SPTAN1: variants seen among roughly 807,000 people sequenced by gnomAD.
The protein encoded by SPTAN1 is spectrin alpha, non-erythrocytic 1.
A neutral mutation model predicts 331.3 loss-of-function variants in SPTAN1; 61 were observed. That is an observed-to-expected ratio of 0.18 (90% CI 0.15 to 0.23). SPTAN1 has a LOEUF of 0.23. SPTAN1 is among the 10% of genes least tolerant of loss of function. The probability of loss-of-function intolerance (pLI) is 1.00; values close to 1 mark genes in which losing one functional copy is unlikely to be tolerated. For synonymous variants in SPTAN1, 1,153 were observed against 1,173.9 expected (o/e 0.98, Z 0.36); for missense variants, 2,043 against 3,147.9 (o/e 0.65, Z 8.40).
chr9:128,588,783 T>C, intron 20 of SPTAN1, 26 bp from the exon 21 acceptor site: 2 of 1,613,702 alleles, frequency 1.2e-6, no homozygotes, highest in African/African-American at 1.3e-5. Context: ...GTTTTTACCA[T>C]GTTTGCCCTT....
chr9:128,578,456 T>C (rs1851554912), intron 9 of SPTAN1, among the ~76,000 whole-genome samples: 1 of 152,192 alleles, frequency 6.6e-6, no homozygotes, highest in Non-Finnish European at 1.5e-5. Context: ...AGAGGTTCAC[T>C]GTGGTCCATA....
chr9:128,616,466 G>T (rs1187794168), intron 41 of SPTAN1, among the ~76,000 whole-genome samples: 1 of 150,320 alleles, frequency 6.7e-6, no homozygotes, highest in East Asian at 2.1e-4. Context: ...AGAGGATTTT[G>T]TTCTTAAAAG....
chr9:128,561,641 C>A (rs1235291304), intron 1 of SPTAN1, among the ~76,000 whole-genome samples: 1 of 85,798 alleles, frequency 1.2e-5, no homozygotes, highest in African/African-American at 4.3e-5. Context: ...CCAGCCTGGG[C>A]AACAGAGCGA....
chr9:128,584,533 T>C lies in SPTAN1; in HGVS notation c.2437+8T>C. The C allele has an allele frequency of 1.2e-6, 2 of 1,614,124 alleles. No homozygotes were observed. Among genetic ancestry groups the C allele is most frequent in the Non-Finnish European group, 1.7e-6 (2 of 1,180,004 alleles). The stretch of plus-strand genomic sequence containing the variant: ...CCGCATCTACCAACAGAGGTCAGTC[T>C]GCTTCCCTCAGGTAGGAATCAACTT... On this transcript the variant is annotated splice_region_variant and intron_variant, in intron 17 of 56. Transcript: ENST00000372739.
At chr9:128,554,045 CTAAT>C (rs1564171566) in intron 1 of SPTAN1, among the ~76,000 whole-genome samples, 1 of 151,768 alleles carries the variant, frequency 6.6e-6, no homozygotes, top group East Asian at 1.9e-4. Context: ...TTGCAGCTAA[CTAAT>C]GTCTTAGATT....
At position 128,632,704 on chromosome 9, in the gene SPTAN1, G is replaced by A. The variant is rs75028792; in HGVS notation, c.7146G>A (p.Thr2382=). The A allele has an allele frequency of 3.9e-4, 631 of 1,614,028 alleles. 5 individuals carry two copies. In the South Asian group the frequency reaches 4.6e-3, roughly 12 times the overall value. ...PDPEFEAILD[T]VDPNRDGHVS... ...CTGAGTTCGAGGCAATCCTGGACAC[G>A]GTGGATCCGAACAGGTAAATTAATT... The change falls in exon 55 of 57, where the codon ACG becomes ACA. Residue 2382 remains threonine, a synonymous_variant. Coordinates refer to ENST00000372739, the MANE Select transcript of SPTAN1 (RefSeq NM_001130438.3).
rs558867199 is a variant in SPTAN1, at chr9:128,561,854, C to G, written c.-3-4884C>G. Among the ~76,000 whole-genome samples, 3 of 151,984 alleles carry G rather than the reference C, an allele frequency of 2.0e-5. No homozygotes were observed. The East Asian group carries it at 5.8e-4, about 30-fold the overall frequency. ...TAAAACGATGGCAGTTTCTTTATTT[C>G]CAAGCTCTGAATATAATTGGATCTA... On this transcript the variant is annotated intron_variant, in intron 1 of 56. Coordinates refer to ENST00000372739, the MANE Select transcript of SPTAN1 (RefSeq NM_001130438.3).
Position 128,561,144 on chromosome 9 carries a change from C to T in SPTAN1, c.-3-5594C>T, listed in dbSNP as rs185389294. Among the ~76,000 whole-genome samples the T allele has an allele frequency of 2.4e-3, 367 of 151,208 alleles. 9 individuals are homozygous for T. The East Asian group carries it at 0.039, about 16-fold the overall frequency. The stretch of plus-strand genomic sequence containing the variant: ...CAGCACTTTGGGAGGCCGAGGCGGG[C>T]GGACCACAAGGTCGAGATCAAGATC... On this transcript the variant is annotated intron_variant, in intron 1 of 56. Transcript: ENST00000372739.
rs150276985 is a variant in SPTAN1 at position 128,590,182 on chromosome 9, A to G, written c.3006+1239A>G. Among the ~76,000 whole-genome samples the G allele has an allele frequency of 2.8e-3, 428 of 152,314 alleles. 10 individuals are homozygous for G. The East Asian group carries it at 0.041, about 14-fold the overall frequency. ...CCACACCTTATTTATCCTTGTCATG[A>G]TAATTTGAGGAAACCTGTGATTCTT... On this transcript the variant is annotated intron_variant, in intron 21 of 56. Transcript: ENST00000372739.
At position 128,617,843 on chromosome 9, in the gene SPTAN1, A is replaced by G. The variant is rs112462793; in HGVS notation, c.5478+83A>G. On this transcript the variant is annotated intron_variant, in intron 42 of 56. Transcript: ENST00000372739. ...CAGACAAACCCCTTGCGCTTATTTC[A>G]CTGAGGTCCCTAAAGTGTTCATGAC... 2,090 of 1,611,656 alleles carry G rather than the reference A, an allele frequency of 1.3e-3. 18 individuals are homozygous for G. The African/African-American group carries it at 0.021, about 16-fold the overall frequency.
chr9:128,558,083 G>A (rs530571534), intron 1 of SPTAN1, among the ~76,000 whole-genome samples: 5 of 152,276 alleles, frequency 3.3e-5, no homozygotes, highest in South Asian at 2.1e-4. Flanking sequence ...GATTACAGGC[G>A]TGAGCCACCG....
Position 128,632,812 on chromosome 9 carries a change from G to A in SPTAN1, c.7165G>A (p.Gly2389Ser). ...ILDTVDPNRD[G>S]HVSLQEYMAF... Reference sequence around the variant, plus strand: ...TCTTGCTTCCCCCGCTCCTAGAGATGGCCATGTCTCCTTGCAAGAATACAT... The same window carrying A: ...TCTTGCTTCCCCCGCTCCTAGAGATAGCCATGTCTCCTTGCAAGAATACAT... The change falls in exon 56 of 57, where the codon GGC becomes AGC. Residue 2389 changes from glycine to serine, a missense_variant. Gly to Ser is a moderately conservative substitution (Grantham distance 56). This residue lies in a region of SPTAN1 where 9 missense variants were observed against 35.8 expected (regional missense o/e 0.25). Transcript: ENST00000372739. 6.2e-7 allele frequency: 1 copy of A among 1,614,058 alleles called. No homozygotes were observed. The highest frequency in any genetic ancestry group is 8.5e-7 in the Non-Finnish European group (1 of 1,180,036).
Position 128,607,713 on chromosome 9 carries a change from C to A in SPTAN1, c.4146+10C>A, listed in dbSNP as rs1301226001. 1 of 1,613,884 alleles carries A rather than the reference C, an allele frequency of 6.2e-7. No individual in the cohort carries two copies. Among genetic ancestry groups the A allele is most frequent in the South Asian group, 1.1e-5 (1 of 91,062 alleles). ...GCTGGAGCGACACCAGGTGGGTGGA[C>A]CTGCCTGCTGAGTAGCAAAGACGTG... On this transcript the variant is annotated intron_variant, in intron 32 of 56. Transcript: ENST00000372739.
chr9:128,577,380 G>T lies in SPTAN1; in HGVS notation c.959G>T (p.Arg320Leu). 6.2e-7 allele frequency: 1 copy of T among 1,614,186 alleles called. No homozygotes were observed. Among genetic ancestry groups the T allele is most frequent in the Non-Finnish European group, 8.5e-7 (1 of 1,180,028 alleles). Residue 320 changes from arginine (R) to leucine (L), a missense_variant, in exon 8 of 57, where the codon CGC becomes CTC. Coordinates refer to ENST00000372739, the MANE Select transcript of SPTAN1 (RefSeq NM_001130438.3). The surrounding 1 kb of genome is among the most constrained non-coding windows in gnomAD (Gnocchi z 4.2). Reference protein sequence around the residue: ...KVKALCAEADRLQQSHPLSAT... With the variant: ...KVKALCAEADLLQQSHPLSAT... The stretch of plus-strand genomic sequence containing the variant: ...AAAGCCCTGTGTGCTGAGGCTGACC[G>T]CCTGCAACAGTCCCACCCTCTGAGT...
chr9:128,622,661 C>T (rs1005458434), intron 45 of SPTAN1, among the ~76,000 whole-genome samples: 1 of 152,116 alleles, frequency 6.6e-6, no homozygotes, highest in Non-Finnish European at 1.5e-5. Flanking sequence ...TCTTTCAATT[C>T]TTTTTTCTTT....
At chr9:128,633,109 TAGA>T (rs1228200693) in intron 56 of SPTAN1, 97 bp from the exon 57 acceptor site, 11 of 1,599,960 alleles carry the variant, frequency 6.9e-6, no homozygotes, top group Non-Finnish European at 8.5e-6. Context: ...GATCTGCTTG[TAGA>T]AGCAGCTCCG....
At chr9:128,581,680 T>A (rs2131104992) in intron 11 of SPTAN1, 102 bp from the exon 12 acceptor site, 2 of 890,016 alleles carry the variant, frequency 2.2e-6, no homozygotes, top group Non-Finnish European at 3.8e-6. Context: ...ATAAAATCTC[T>A]TTCCTTCTTT....
chr9:128,608,326 A>C, intron 34 of SPTAN1, 50 bp downstream of exon 34: 1 of 1,612,248 alleles, frequency 6.2e-7, no homozygotes, highest in Non-Finnish European at 8.5e-7. Context: ...CCTGATTGAC[A>C]TCTGTTTCTT....
chr9:128,626,288 G>A, intron 48 of SPTAN1, 103 bp from the exon 49 acceptor site: 1 of 1,399,186 alleles, frequency 7.1e-7, no homozygotes, highest in Non-Finnish European at 1.0e-6. Context: ...AGCAGGCTGT[G>A]TGCGCCTCTG....
Sources: allele counts gnomAD v4.1 joint callset (sites outside exome capture counted in the v4.1 genomes callset), GRCh38; gene constraint gnomAD v4.1.1; regional missense constraint gnomAD v4.1.1; non-coding constraint Gnocchi (gnomAD v3.1); transcripts MANE v1.5; gene names NCBI Gene and HGNC (gene_info 2026-07-23, HGNC 2026-07-21).